Variants in FRAS1 observed in about 807,000 individuals in gnomAD.
FRAS1 encodes Fraser extracellular matrix complex subunit 1.
A neutral mutation model predicts 435.2 loss-of-function variants in FRAS1; 290 were observed. The ratio of observed to expected loss-of-function variants is 0.67; its 90% CI spans 0.61 to 0.73. FRAS1 has a LOEUF of 0.73. FRAS1 is among the 30% of genes least tolerant of loss of function. FRAS1 has a pLI of 0.00. For synonymous variants in FRAS1, 1,800 were observed against 1,851.0 expected (o/e 0.97, Z 0.71); for missense variants, 4,860 against 5,001.5 (o/e 0.97, Z 0.85).
rs1578380212 is a variant in FRAS1 at position 78,537,318 on chromosome 4, T to C, written c.11298+118T>C. On this transcript the variant is annotated intron_variant, in intron 72 of 73. Coordinates refer to ENST00000512123, the MANE Select transcript of FRAS1 (RefSeq NM_025074.7). ...CTTGATATTTTCTTCTCTATATATG[T>C]TTGTGTTGTTGTTTCTTTCAGATCA... 6.2e-6 allele frequency: 6 copies of C among 960,274 alleles called. No individual in the cohort carries two copies. In the Middle Eastern group the frequency reaches 1.4e-3, roughly 231 times the overall value. 59.5% of individuals were successfully genotyped at this position (960,274 alleles called of 1,614,324 possible).
intron 31 of FRAS1, among the ~76,000 whole-genome samples, chr4:78,412,499 G>A (rs546703617): frequency 5.3e-5 from 8 of 152,066 alleles, no homozygotes; most frequent in African/African-American, 1.9e-4. Flanking sequence ...TACCTGTGCT[G>A]GTTAAAAATG....
At chr4:78,411,119 T>TTC (rs1440779995) in intron 31 of FRAS1, among the ~76,000 whole-genome samples, 6 of 151,488 alleles carry the variant, frequency 4.0e-5, no homozygotes, top group Non-Finnish European at 8.8e-5. Flanking sequence ...TTTTTTTTCT[T>TTC]TTTTTTTCTG....
At chr4:78,185,954 T>C (rs1194444022) in intron 2 of FRAS1, among the ~76,000 whole-genome samples, 2 of 152,220 alleles carry the variant, frequency 1.3e-5, no homozygotes, top group African/African-American at 4.8e-5. Flanking sequence ...ATAAACCTGC[T>C]GAGTCTCGTT....
chr4:78,115,888 C>G (rs1280987147), intron 2 of FRAS1, among the ~76,000 whole-genome samples: 1 of 151,674 alleles, frequency 6.6e-6, no homozygotes, highest in Non-Finnish European at 1.5e-5. Flanking sequence ...AGTGTATTTT[C>G]TCTTGCTTCT....
At chr4:78,108,423 C>T (rs1262450007) in intron 2 of FRAS1, among the ~76,000 whole-genome samples, 8 of 56,584 alleles carry the variant, frequency 1.4e-4, no homozygotes, top group South Asian at 7.0e-4. Context: ...TGCAATCAAA[C>T]TAGAACTCAG....
intron 66 of FRAS1, among the ~76,000 whole-genome samples, chr4:78,518,443 TATA>T (rs1560423145): frequency 6.6e-5 from 8 of 120,952 alleles, no homozygotes; most frequent in East Asian, 6.5e-4. Context: ...TATATATATA[TATA>T]TATATATTTA....
At chr4:78,280,580 C>CTT (rs34405763) in intron 10 of FRAS1, among the ~76,000 whole-genome samples, 39,576 of 141,598 alleles carry the variant, frequency 0.28, 5,815 homozygotes, top group East Asian at 0.36. Flanking sequence ...TTCCTCCATA[C>CTT]TTTTTTTTTT....
At chr4:78,530,606 C>G (rs186621894) in intron 70 of FRAS1, among the ~76,000 whole-genome samples, 194 of 152,212 alleles carry the variant, frequency 1.3e-3, no homozygotes, top group African/African-American at 4.4e-3. Context: ...AACTGGACTC[C>G]ATTGCTTGTT....
rs560437550 is a variant in FRAS1, at chr4:78,432,787, A to C, written c.5217+183A>C. 3.3e-5 allele frequency among the ~76,000 whole-genome samples: 5 copies of C among 152,322 alleles called. No individual in the cohort carries two copies. In the East Asian group the frequency reaches 9.6e-4, roughly 29 times the overall value. On this transcript the variant is annotated intron_variant, in intron 38 of 73. Coordinates refer to ENST00000512123, the MANE Select transcript of FRAS1 (RefSeq NM_025074.7). ...TTATGCTGTTTATCCTGCTTCTCCC[A>C]GTGTCTCATGAGCAGACAAGTGAAT...
intron 20 of FRAS1, among the ~76,000 whole-genome samples, chr4:78,360,584 G>A (rs1163044522): frequency 6.6e-6 from 1 of 152,192 alleles, no homozygotes; most frequent in Non-Finnish European, 1.5e-5. Context: ...GGAATAGATA[G>A]ACGTTTTGAG....
At chr4:78,513,320 G>A in intron 64 of FRAS1, 72 bp from the exon 65 acceptor site, 2 of 1,461,364 alleles carry the variant, frequency 1.4e-6, no homozygotes, top group South Asian at 2.4e-5. Context: ...ATTAGGTGAT[G>A]AGAAAGAAGT....
chr4:78,187,507 A>T (rs1722323036), intron 2 of FRAS1, among the ~76,000 whole-genome samples: 1 of 152,210 alleles, frequency 6.6e-6, no homozygotes. Flanking sequence ...GAAGTCAAGG[A>T]ACTAAAGTCA....
chr4:78,058,217 G>T, intron 1 of FRAS1, 132 bp downstream of exon 1: 1 of 709,678 alleles, frequency 1.4e-6, no homozygotes, highest in Non-Finnish European at 2.3e-6. Context: ...TTTCTGGGAA[G>T]GGTGAGGTGG....
At chr4:78,099,865 C>T (rs1420647645) in intron 2 of FRAS1, among the ~76,000 whole-genome samples, 3 of 152,142 alleles carry the variant, frequency 2.0e-5, no homozygotes, top group Non-Finnish European at 4.4e-5. Context: ...GTTCCTTGTC[C>T]ACTGTAGTGT....
chr4:78,494,384 A>G (rs1720451448), intron 59 of FRAS1, among the ~76,000 whole-genome samples: 1 of 152,174 alleles, frequency 6.6e-6, no homozygotes, highest in South Asian at 2.1e-4. Context: ...TGTACAAGAA[A>G]CATGGTGCCA....
At position 78,266,678 on chromosome 4, in the gene FRAS1, G is replaced by A. The variant is rs2008587; in HGVS notation, c.688-156G>A. Reference sequence around the variant, plus strand: ...GACATTTATTGACTGTTTTCATAGAGGCTATTCCTATCTAAATGTTTTCAT... The same window carrying A: ...GACATTTATTGACTGTTTTCATAGAAGCTATTCCTATCTAAATGTTTTCAT... On this transcript the variant is annotated intron_variant, in intron 7 of 73. Coordinates refer to ENST00000512123, the MANE Select transcript of FRAS1 (RefSeq NM_025074.7). Among the ~76,000 whole-genome samples the A allele has an allele frequency of 0.95, 144,036 of 152,358 alleles. 68,483 individuals are homozygous for A. The highest frequency in any genetic ancestry group is 1 in the Non-Finnish European group (67,853 of 68,044).
chr4:78,298,030 C>A (rs1542641), intron 14 of FRAS1, among the ~76,000 whole-genome samples: 11,584 of 103,316 alleles, frequency 0.11, 578 homozygotes, highest in South Asian at 0.22. Context: ...CTCTCTCTCT[C>A]TATATATATA....
At chr4:78,306,842 TCTGAAGC>T (rs1241315396) in intron 14 of FRAS1, among the ~76,000 whole-genome samples, 1 of 152,244 alleles carries the variant, frequency 6.6e-6, no homozygotes, top group Non-Finnish European at 1.5e-5. Flanking sequence ...AATTTGATTG[TCTGAAGC>T]CTTCTTCTTT....
intron 9 of FRAS1, among the ~76,000 whole-genome samples, chr4:78,270,794 C>T (rs1726636919): frequency 6.6e-6 from 1 of 152,064 alleles, no homozygotes; most frequent in Admixed American, 6.6e-5. Context: ...GTTATGCCTT[C>T]ACTACCAACT....
Sources: gnomAD v4.1 joint callset for allele counts (sites outside exome capture counted in the v4.1 genomes callset) on GRCh38, gnomAD v4.1.1 for gene constraint, MANE v1.5 for transcripts, NCBI Gene and HGNC (gene_info 2026-07-23, HGNC 2026-07-21) for gene names.